RASEF: variants seen among roughly 807,000 people sequenced by gnomAD.
RASEF encodes ras and EF-hand domain-containing protein.
Under a neutral mutation model 90.1 loss-of-function variants are expected in RASEF, and 68 were observed. That is an observed-to-expected ratio of 0.75 (90% CI 0.62 to 0.92). RASEF has a LOEUF of 0.92. RASEF is among the 40% of genes least tolerant of loss of function. The pLI, the probability that RASEF is intolerant of heterozygous loss-of-function variation, is 0.00. For synonymous variants in RASEF, 331 were observed against 345.2 expected, an observed-to-expected ratio of 0.96 and a Z score of 0.46; for missense variants, 949 against 937.2, an observed-to-expected ratio of 1.01 and a Z score of -0.16.
chr9:83,134,138 G>A, the RASEF span, among the ~76,000 whole-genome samples: 3,084 of 152,104 alleles, frequency 0.02, 97 homozygotes, highest in African/African-American at 0.071. Flanking sequence ...ATGTACCGAA[G>A]TGGAATTTTC....
At chr9:83,179,926 G>A in the RASEF span, among the ~76,000 whole-genome samples, 20 of 152,122 alleles carry the variant, frequency 1.3e-4, no homozygotes, top group South Asian at 2.1e-4. Context: ...AACAGGAGCC[G>A]TCCCAGGGCA....
chr9:82,990,969 T>C (rs553803767), intron 15 of RASEF, among the ~76,000 whole-genome samples: 1 of 152,328 alleles, frequency 6.6e-6, no homozygotes, highest in East Asian at 1.9e-4. Context: ...CCATAGTGCA[T>C]ATGATATCAT....
the RASEF span, among the ~76,000 whole-genome samples, chr9:83,117,842 G>A: frequency 9.3e-3 from 1,411 of 152,286 alleles, 18 homozygotes; most frequent in African/African-American, 0.033. Context: ...ATCATGTTGG[G>A]GAAAGTCTGC....
the RASEF span, among the ~76,000 whole-genome samples, chr9:83,096,521 C>T: frequency 1.3e-5 from 2 of 152,072 alleles, no homozygotes; most frequent in African/African-American, 4.8e-5. Context: ...ATGACTGTTA[C>T]TTGAGGACAG....
chr9:83,022,050 C>T (rs1287789357), intron 3 of RASEF, among the ~76,000 whole-genome samples: 1 of 152,136 alleles, frequency 6.6e-6, no homozygotes, highest in African/African-American at 2.4e-5. Flanking sequence ...AAAGAGGCCT[C>T]TTACCCCCAA....
chr9:83,048,381 C>A, intron 1 of RASEF: 1 of 985,342 alleles, frequency 1.0e-6, no homozygotes. Context: ...TGGACCCAGG[C>A]CATCTACCTC....
intron 7 of RASEF, 45 bp from the exon 8 acceptor site, chr9:83,005,545 C>T: frequency 1.5e-6 from 2 of 1,356,250 alleles, no homozygotes; most frequent in Non-Finnish European, 2.1e-6. Context: ...AGGAAAGTAT[C>T]ATTGGGGGTC....
intron 12 of RASEF, among the ~76,000 whole-genome samples, chr9:82,999,209 T>TATC (rs1828978547): frequency 6.6e-6 from 1 of 152,214 alleles, no homozygotes; most frequent in African/African-American, 2.4e-5. Context: ...CTTTTACTAT[T>TATC]ATGCAAATTT....
At chr9:83,150,904 A>G in the RASEF span, among the ~76,000 whole-genome samples, 1 of 152,354 alleles carries the variant, frequency 6.6e-6, no homozygotes, top group African/African-American at 2.4e-5. Flanking sequence ...TCATGAACTT[A>G]ACTCTCCGTA....
At chr9:83,034,960 C>T (rs1242626125) in intron 1 of RASEF, among the ~76,000 whole-genome samples, 2 of 152,256 alleles carry the variant, frequency 1.3e-5, no homozygotes, top group East Asian at 3.9e-4. Flanking sequence ...CTTAACTCCA[C>T]TCCCCAACTG....
the RASEF span, among the ~76,000 whole-genome samples, chr9:83,151,868 A>G: frequency 1.3e-5 from 2 of 152,088 alleles, no homozygotes; most frequent in Non-Finnish European, 2.9e-5. Flanking sequence ...AACAATAGAG[A>G]CTTTTTTTTC....
chr9:83,090,230 G>C, the RASEF span, among the ~76,000 whole-genome samples: 1 of 151,906 alleles, frequency 6.6e-6, no homozygotes, highest in African/African-American at 2.4e-5. Flanking sequence ...TATTTCATGA[G>C]ACATTATTAT....
At chr9:83,097,343 G>A in the RASEF span, among the ~76,000 whole-genome samples, 298 of 152,258 alleles carry the variant, frequency 2.0e-3, 1 homozygote, top group African/African-American at 7.0e-3. Context: ...TGTGGCATGG[G>A]CAAGGACTTC....
Position 83,010,072 on chromosome 9 carries a change from C to A in RASEF, c.844-316G>T, listed in dbSNP as rs371554719. ...GGCAAATTAACTGACACCAACCATT[C>A]GAATGCTTGCTTTATTTAATGAGCG... On this transcript the variant is annotated intron_variant, in intron 5 of 16. Transcript: ENST00000376447. 9.9e-5 allele frequency among the ~76,000 whole-genome samples: 15 copies of A among 152,242 alleles called. No homozygotes were observed. In the East Asian group the frequency reaches 1.4e-3, roughly 14 times the overall value.
At chr9:83,185,389 G>A in the RASEF span, among the ~76,000 whole-genome samples, 2 of 146,822 alleles carry the variant, frequency 1.4e-5, no homozygotes, top group Non-Finnish European at 3.0e-5. Flanking sequence ...GAGACCCTAC[G>A]GTGCTCAGGC....
chr9:83,044,893 C>A (rs929634603), intron 1 of RASEF, among the ~76,000 whole-genome samples: 1 of 152,102 alleles, frequency 6.6e-6, no homozygotes, highest in East Asian at 1.9e-4. Flanking sequence ...TGAGTCTCAT[C>A]CATTCAGTAA....
chr9:83,095,077 T>C, the RASEF span, among the ~76,000 whole-genome samples: 1 of 152,060 alleles, frequency 6.6e-6, no homozygotes, highest in African/African-American at 2.4e-5. Flanking sequence ...GTTTGAGAAT[T>C]TAAAAGGAGA....
the RASEF span, among the ~76,000 whole-genome samples, chr9:83,140,368 A>C: frequency 6.6e-6 from 1 of 152,172 alleles, no homozygotes; most frequent in Non-Finnish European, 1.5e-5. Context: ...TGCTGATTCA[A>C]AGTCTTTAGT....
the RASEF span, among the ~76,000 whole-genome samples, chr9:83,211,619 G>T: frequency 6.6e-6 from 1 of 152,166 alleles, no homozygotes; most frequent in South Asian, 2.1e-4. Flanking sequence ...CTAGTCTGAA[G>T]ACCATATGGT....
Sources: gnomAD v4.1 joint callset for allele counts (sites outside exome capture counted in the v4.1 genomes callset) on GRCh38, gnomAD v4.1.1 for gene constraint, MANE v1.5 for transcripts, NCBI Gene and HGNC (gene_info 2026-07-23, HGNC 2026-07-21) for gene names.